Variants in PCDH15 observed in about 807,000 individuals in gnomAD.
PCDH15 encodes protocadherin-15.
A neutral mutation model predicts 178.5 loss-of-function variants in PCDH15; 129 were observed. The ratio of observed to expected loss-of-function variants is 0.72; its 90% CI spans 0.63 to 0.84. The LOEUF (loss-of-function observed/expected upper bound fraction) is 0.84. PCDH15 is among the 40% of genes least tolerant of loss of function. PCDH15 has a pLI of 0.00. For synonymous variants in PCDH15, 800 were observed against 732.0 expected (o/e 1.09, Z -1.50); for missense variants, 2,230 against 2,099.9 (o/e 1.06, Z -1.21).
chr10:54,125,144 T>C (rs2041882103), intron 15 of PCDH15, among the ~76,000 whole-genome samples: 1 of 151,600 alleles, frequency 6.6e-6, no homozygotes, highest in Admixed American at 6.6e-5. Flanking sequence ...ATTAGTCAAA[T>C]GTGTGGTTTT....
intron 2 of PCDH15, among the ~76,000 whole-genome samples, chr10:55,124,096 G>T (rs1837839999): frequency 6.6e-6 from 1 of 152,092 alleles, no homozygotes; most frequent in Admixed American, 6.6e-5. Context: ...AATCATACCT[G>T]GGGACTAGTA....
In PCDH15 at chr10:55,234,182, T is replaced by C. The variant is rs565056518; in HGVS notation, c.-155-67531A>G. Among the ~76,000 whole-genome samples, 100 of 152,164 alleles carry C rather than the reference T, an allele frequency of 6.6e-4. 1 individual carries two copies. In the South Asian group the frequency reaches 0.019, roughly 29 times the overall value. On this transcript the variant is annotated intron_variant, in intron 1 of 5. Transcript: ENST00000458638. Reference sequence around the variant, plus strand: ...ATGAAAGAGCTCTGAGTTTCAAATATTAAATCAACCAAGTGTAATAGGATT... The same window carrying C: ...ATGAAAGAGCTCTGAGTTTCAAATACTAAATCAACCAAGTGTAATAGGATT...
At chr10:54,042,297 T>C (rs2135525922) in intron 18 of PCDH15, among the ~76,000 whole-genome samples, 1 of 152,168 alleles carries the variant, frequency 6.6e-6, no homozygotes, top group South Asian at 2.1e-4. Flanking sequence ...CCCAAGTCAA[T>C]AGTTACTAAG....
intron 2 of PCDH15, among the ~76,000 whole-genome samples, chr10:55,558,396 G>T (rs559069310): frequency 1.6e-4 from 25 of 152,212 alleles, no homozygotes; most frequent in African/African-American, 6.0e-4. Context: ...TATGTCTGCA[G>T]GTGTTTAGCT....
chr10:55,111,299 G>T (rs936096256), intron 2 of PCDH15, among the ~76,000 whole-genome samples: 3 of 152,038 alleles, frequency 2.0e-5, no homozygotes, highest in Non-Finnish European at 2.9e-5. Context: ...TAGTCTAATG[G>T]GAAAGTGTAC....
chr10:54,024,049 ATAAG>A (rs2093009765), intron 18 of PCDH15, among the ~76,000 whole-genome samples: 1 of 152,190 alleles, frequency 6.6e-6, no homozygotes, highest in African/African-American at 2.4e-5. Flanking sequence ...ACATCTCTGC[ATAAG>A]TAAGAATGTT....
At chr10:54,073,264 A>G (rs978382154) in intron 17 of PCDH15, among the ~76,000 whole-genome samples, 2 of 150,840 alleles carry the variant, frequency 1.3e-5, no homozygotes, top group Non-Finnish European at 1.5e-5. Flanking sequence ...ATAGATATAA[A>G]TATTTATATA....
chr10:54,750,038 T>A (rs1945998292), intron 1 of PCDH15, among the ~76,000 whole-genome samples: 1 of 152,046 alleles, frequency 6.6e-6, no homozygotes, highest in Admixed American at 6.6e-5. Context: ...ATAAATAATA[T>A]TATTACTTCA....
chr10:55,253,606 G>GT (rs34155640), intron 1 of PCDH15, among the ~76,000 whole-genome samples: 53,393 of 150,390 alleles, frequency 0.36, 10,252 homozygotes, highest in Non-Finnish European at 0.46. Flanking sequence ...ACCATAATAA[G>GT]TTTTTTTTTT....
chr10:54,420,785 T>G (rs1408392946), intron 3 of PCDH15, among the ~76,000 whole-genome samples: 1 of 152,062 alleles, frequency 6.6e-6, no homozygotes, highest in Non-Finnish European at 1.5e-5. Flanking sequence ...GAATAGTTGA[T>G]TGGATTTGCT....
chr10:55,490,364 T>A (rs558751601), intron 2 of PCDH15, among the ~76,000 whole-genome samples: 3 of 151,730 alleles, frequency 2.0e-5, no homozygotes, highest in Non-Finnish European at 4.4e-5. Flanking sequence ...GAGTCTATGG[T>A]TGAGTAACAA....
intron 1 of PCDH15, among the ~76,000 whole-genome samples, chr10:55,236,227 C>G (rs948462913): frequency 1.3e-5 from 2 of 151,770 alleles, no homozygotes; most frequent in Non-Finnish European, 1.5e-5. Flanking sequence ...TAAATGGTAA[C>G]CATGAGTATT....
chr10:54,140,244 C>G (rs865858452), intron 14 of PCDH15, among the ~76,000 whole-genome samples: 4 of 152,006 alleles, frequency 2.6e-5, no homozygotes, highest in Admixed American at 1.3e-4. Context: ...TAACATGGAG[C>G]CAAATTTCAT....
intron 2 of PCDH15, among the ~76,000 whole-genome samples, chr10:55,127,467 G>A (rs1837930418): frequency 6.6e-6 from 1 of 151,954 alleles, no homozygotes. Flanking sequence ...TCTATAGAAT[G>A]GACTCATAAT....
chr10:54,203,249 C>A (rs1330688890), intron 10 of PCDH15, among the ~76,000 whole-genome samples: 3 of 152,138 alleles, frequency 2.0e-5, no homozygotes, highest in African/African-American at 7.2e-5. Flanking sequence ...CCAAAGATTG[C>A]TCGTGTGTCA....
Position 53,836,009 on chromosome 10 carries a change from G to C in PCDH15, c.3983+4311C>G, listed in dbSNP as rs553371056. 3.3e-5 allele frequency among the ~76,000 whole-genome samples: 5 copies of C among 152,224 alleles called. No homozygotes were observed. The South Asian group carries it at 1.0e-3, about 32-fold the overall frequency. ...GACCTTTATCTCAGATGAAACAAGG[G>C]CCGTAAGTATTAGAGGGAGGAGGAG... On this transcript the variant is annotated intron_variant, in intron 29 of 37. Coordinates refer to ENST00000644397, the MANE Select transcript of PCDH15 (RefSeq NM_001384140.1).
intron 1 of PCDH15, among the ~76,000 whole-genome samples, chr10:55,300,034 A>C (rs1206774329): frequency 6.6e-6 from 1 of 152,186 alleles, no homozygotes; most frequent in African/African-American, 2.4e-5. Context: ...AATGCAATAT[A>C]TATAGTTAGC....
intron 20 of PCDH15, among the ~76,000 whole-genome samples, chr10:54,013,835 A>G (rs1417126738): frequency 6.6e-6 from 1 of 152,140 alleles, no homozygotes; most frequent in Non-Finnish European, 1.5e-5. Flanking sequence ...CTAGCATCAC[A>G]TCTACAGGAA....
intron 20 of PCDH15, among the ~76,000 whole-genome samples, chr10:53,996,788 A>G (rs914103466): frequency 1.3e-5 from 2 of 152,132 alleles, no homozygotes; most frequent in Non-Finnish European, 2.9e-5. Context: ...TCCTTACCCT[A>G]CCGTGTTTTG....
Sources: gnomAD v4.1 joint callset for allele counts (sites outside exome capture counted in the v4.1 genomes callset) on GRCh38, gnomAD v4.1.1 for gene constraint, MANE v1.5 for transcripts, NCBI Gene and HGNC (gene_info 2026-07-23, HGNC 2026-07-21) for gene names.